SMC6: variants seen among roughly 807,000 people sequenced by gnomAD.
SMC6 encodes structural maintenance of chromosomes 6, also known as structural maintenance of chromosomes protein 6.
Under a neutral mutation model 142.2 loss-of-function variants are expected in SMC6, and 79 were observed. That is an observed-to-expected ratio of 0.56 (90% CI 0.46 to 0.67). SMC6 has a LOEUF of 0.67. Ranked by LOEUF, SMC6 falls within the 30% of genes least tolerant of loss-of-function variation. SMC6 has a pLI of 0.00. For synonymous variants in SMC6, 411 were observed against 412.4 expected, an observed-to-expected ratio of 1.00 and a Z score of 0.04; for missense variants, 1,072 against 1,284.0, an observed-to-expected ratio of 0.83 and a Z score of 2.52.
chr2:17,683,611 T>C (rs760126580), intron 24 of SMC6, 27 bp downstream of exon 24: 3 of 1,569,240 alleles, frequency 1.9e-6, no homozygotes, highest in Non-Finnish European at 2.6e-6. Flanking sequence ...ATGTATAATA[T>C]ATAGTAACAT....
chr2:17,670,088 G>A (rs191439051), intron 26 of SMC6, among the ~76,000 whole-genome samples: 10 of 152,296 alleles, frequency 6.6e-5, no homozygotes, highest in Admixed American at 3.9e-4. Flanking sequence ...TTATAATTTT[G>A]TATTAAAACA....
At chr2:17,733,892 T>C (rs1184127371) in intron 5 of SMC6, among the ~76,000 whole-genome samples, 3 of 152,332 alleles carry the variant, frequency 2.0e-5, no homozygotes, top group African/African-American at 7.2e-5. Context: ...GTAAGACTTA[T>C]AAATGCCTGC....
At chr2:17,742,433 T>G (rs990838840) in intron 3 of SMC6, among the ~76,000 whole-genome samples, 1 of 152,238 alleles carries the variant, frequency 6.6e-6, no homozygotes, top group African/African-American at 2.4e-5. Flanking sequence ...GAATAATATT[T>G]CCTATACTAT....
chr2:17,673,018 C>T (rs1410568584), intron 25 of SMC6, among the ~76,000 whole-genome samples: 1 of 152,178 alleles, frequency 6.6e-6, no homozygotes, highest in Non-Finnish European at 1.5e-5. Flanking sequence ...CCAAGTTACA[C>T]TCCCACAAGC....
intron 16 of SMC6, among the ~76,000 whole-genome samples, chr2:17,709,096 T>C (rs542562291): frequency 1.3e-5 from 2 of 152,184 alleles, no homozygotes; most frequent in South Asian, 4.1e-4. Context: ...TTGAGTATGT[T>C]CCCCAACGTC....
chr2:17,732,233 CCTGA>C (rs1449641026), intron 5 of SMC6, among the ~76,000 whole-genome samples: 1 of 152,072 alleles, frequency 6.6e-6, no homozygotes, highest in African/African-American at 2.4e-5. Flanking sequence ...AATTATACTG[CCTGA>C]CTACTGTAAG....
chr2:17,715,996 C>A, intron 15 of SMC6, 90 bp downstream of exon 15: 4 of 1,066,592 alleles, frequency 3.8e-6, no homozygotes, highest in East Asian at 3.0e-5. Context: ...TAAATGAAAT[C>A]ATTTTATTTC....
rs1250932034 is a variant in SMC6 at position 17,669,908 on chromosome 2, A to G, written c.3063+515T>C. Among the ~76,000 whole-genome samples, 4 of 152,172 alleles carry G rather than the reference A, an allele frequency of 2.6e-5. No individual in the cohort carries two copies. The South Asian group carries it at 6.2e-4, about 24-fold the overall frequency. ...TTGTAGATGAAGAAATTGAGACCCA[A>G]TAAGTAGAGATATTTTGCCTGTCAG... On this transcript the variant is annotated intron_variant, in intron 26 of 27. Transcript: ENST00000448223.
chr2:17,722,359 T>C (rs1490051407), intron 9 of SMC6, among the ~76,000 whole-genome samples: 3 of 152,190 alleles, frequency 2.0e-5, no homozygotes, highest in African/African-American at 7.2e-5. Context: ...TTCTCAAAGG[T>C]CTAAATCCAC....
chr2:17,694,645 T>C (rs1667905630), intron 23 of SMC6, among the ~76,000 whole-genome samples: 1 of 152,306 alleles, frequency 6.6e-6, no homozygotes, highest in Non-Finnish European at 1.5e-5. Flanking sequence ...TTCAGAGAGA[T>C]AGCTAATTTG....
chr2:17,730,983 T>C, intron 7 of SMC6, 95 bp downstream of exon 7: 1 of 890,970 alleles, frequency 1.1e-6, no homozygotes, highest in East Asian at 2.4e-5. Flanking sequence ...AGTTTACTCA[T>C]ATGAGGCCAT....
At chr2:17,688,428 A>G (rs1667556657) in intron 23 of SMC6, among the ~76,000 whole-genome samples, 1 of 152,046 alleles carries the variant, frequency 6.6e-6, no homozygotes, top group African/African-American at 2.4e-5. Context: ...TAGGCCATGC[A>G]GTGGCTCATG....
At chr2:17,673,868 C>T (rs1047755421) in intron 25 of SMC6, among the ~76,000 whole-genome samples, 5 of 151,998 alleles carry the variant, frequency 3.3e-5, no homozygotes, top group East Asian at 1.9e-4. Context: ...CACGCCCGGC[C>T]GCTTACTGTT....
chr2:17,691,980 T>C (rs1459057276), intron 23 of SMC6, among the ~76,000 whole-genome samples: 1 of 152,076 alleles, frequency 6.6e-6, no homozygotes, highest in Non-Finnish European at 1.5e-5. Flanking sequence ...ATAAAATACC[T>C]AGGAATCCAA....
At chr2:17,706,401 C>A (rs1385449220) in intron 18 of SMC6, among the ~76,000 whole-genome samples, 1 of 152,118 alleles carries the variant, frequency 6.6e-6, no homozygotes, top group Admixed American at 6.6e-5. Context: ...TTCCAACATC[C>A]ATTATGGTTA....
intron 5 of SMC6, among the ~76,000 whole-genome samples, chr2:17,735,868 G>A (rs1046554717): frequency 6.6e-6 from 1 of 152,142 alleles, no homozygotes; most frequent in African/African-American, 2.4e-5. Context: ...CAAGAAAGGA[G>A]GCCCACAGCC....
Position 17,725,243 on chromosome 2 carries a change from A to T in SMC6, c.726+14T>A. On this transcript the variant is annotated intron_variant, in intron 9 of 27. Coordinates refer to ENST00000448223, the MANE Select transcript of SMC6 (RefSeq NM_001142286.2). ...GGCTGATCTCAAAAAGATTTACATTAACTGTTTACAAACCTCTTCTCCTTG... is the reference window on the plus strand; with the variant it reads ...GGCTGATCTCAAAAAGATTTACATTTACTGTTTACAAACCTCTTCTCCTTG... 6.3e-7 allele frequency: 1 copy of T among 1,576,172 alleles called. No individual in the cohort carries two copies. The highest frequency in any genetic ancestry group is 8.6e-7 in the Non-Finnish European group (1 of 1,157,390).
At chr2:17,688,741 T>C (rs1302476829) in intron 23 of SMC6, among the ~76,000 whole-genome samples, 1 of 152,128 alleles carries the variant, frequency 6.6e-6, no homozygotes, top group Non-Finnish European at 1.5e-5. Flanking sequence ...GTAAATTTAC[T>C]AAATACCAGA....
chr2:17,728,911 C>A (rs1382021404), intron 7 of SMC6, among the ~76,000 whole-genome samples: 1 of 151,982 alleles, frequency 6.6e-6, no homozygotes, highest in African/African-American at 2.4e-5. Context: ...ACCATGCCTG[C>A]CTAATTTTTG....
Sources: gnomAD v4.1 joint callset for allele counts (sites outside exome capture counted in the v4.1 genomes callset) on GRCh38, gnomAD v4.1.1 for gene constraint, MANE v1.5 for transcripts, NCBI Gene and HGNC (gene_info 2026-07-23, HGNC 2026-07-21) for gene names.